Variants in SAMMSON observed in about 807,000 individuals in gnomAD.
SAMMSON encodes long intergenic non-protein coding RNA 1212.
chr3:70,103,138 T>C (rs776050070), intron 4 of SAMMSON, among the ~76,000 whole-genome samples: 1 of 152,160 alleles, frequency 6.6e-6, no homozygotes, highest in Non-Finnish European at 1.5e-5. Flanking sequence ...TTCAACAAAT[T>C]GGTACCGTGC....
intron 4 of SAMMSON, among the ~76,000 whole-genome samples, chr3:70,124,814 C>CAAAAAAAAAAAAAAAAAA (rs1208323683): frequency 1.0e-3 from 56 of 53,674 alleles, no homozygotes; most frequent in Non-Finnish European, 1.4e-3. Context: ...GACTCCATCT[C>CAAAAAAAAAAAAAAAAAA]AAAAAAAAAA....
At chr3:70,126,725 G>GTT in intron 4 of SAMMSON, 1 of 251,228 alleles carries the variant, frequency 4.0e-6, no homozygotes, top group South Asian at 4.9e-5. Context: ...TTTGTTTTTT[G>GTT]TTTTTTTTGA....
Position 70,211,703 on chromosome 3 carries a change from GCCCTT to G in SAMMSON, n.508-37391_508-37387del, listed in dbSNP as rs529662488. The stretch of plus-strand genomic sequence containing the variant: ...CCTTCCTTTCCCTTCCCTTCCCTTT[GCCCTT>G]CCCTTCCCTTCCTTTCCTTTCTCTT... On this transcript the variant is annotated intron_variant and non_coding_transcript_variant, in intron 4 of 9. Transcript: ENST00000642114. Among the ~76,000 whole-genome samples, 703 of 105,154 alleles carry G rather than the reference GCCCTT, an allele frequency of 6.7e-3. 6 individuals are homozygous for G. Among genetic ancestry groups the G allele is most frequent in the African/African-American group, 0.025 (669 of 26,794 alleles). 69.0% of individuals were successfully genotyped at this position (105,154 alleles called of 152,430 possible).
chr3:70,363,934 A>C (rs1031901347), intron 9 of SAMMSON, among the ~76,000 whole-genome samples: 1 of 151,674 alleles, frequency 6.6e-6, no homozygotes, highest in Non-Finnish European at 1.5e-5. Flanking sequence ...TGAGCTGCAG[A>C]TATATTTCTA....
At chr3:70,273,068 G>A (rs573324903) in intron 6 of SAMMSON, among the ~76,000 whole-genome samples, 1 of 152,320 alleles carries the variant, frequency 6.6e-6, no homozygotes, top group African/African-American at 2.4e-5. Context: ...GTCAAGGGAA[G>A]TTCAGCCAGT....
chr3:70,166,870 A>C (rs2067639444), intron 4 of SAMMSON, among the ~76,000 whole-genome samples: 1 of 152,096 alleles, frequency 6.6e-6, no homozygotes, highest in South Asian at 2.1e-4. Flanking sequence ...AGGAAAGAGA[A>C]TATTGGAGAT....
chr3:70,418,595 A>G (rs1701283743), intron 2 of SAMMSON, among the ~76,000 whole-genome samples: 1 of 152,130 alleles, frequency 6.6e-6, no homozygotes, highest in Non-Finnish European at 1.5e-5. Context: ...AGACACTACA[A>G]TTCCAACAGT....
chr3:70,101,448 A>T (rs897413553), intron 4 of SAMMSON, among the ~76,000 whole-genome samples: 1 of 152,146 alleles, frequency 6.6e-6, no homozygotes, highest in Admixed American at 6.6e-5. Flanking sequence ...TTATTATTTG[A>T]TAATTTACCT....
chr3:70,408,007 C>T (rs1701189671), intron 2 of SAMMSON, among the ~76,000 whole-genome samples: 1 of 152,254 alleles, frequency 6.6e-6, no homozygotes, highest in South Asian at 2.1e-4. Flanking sequence ...CTCGCAGGCT[C>T]ACCACCACAT....
chr3:70,018,485 G>C (rs2066996909), intron 3 of SAMMSON, among the ~76,000 whole-genome samples: 2 of 151,934 alleles, frequency 1.3e-5, no homozygotes, highest in Non-Finnish European at 2.9e-5. Context: ...TTCTTTATTA[G>C]TCTTGCTAGC....
chr3:70,001,677 G>T (rs544131706), intron 1 of SAMMSON, among the ~76,000 whole-genome samples: 2 of 152,106 alleles, frequency 1.3e-5, no homozygotes, highest in South Asian at 2.1e-4. Flanking sequence ...TTCTAATTTT[G>T]CATACTCCTT....
chr3:70,285,101 C>T (rs1469809827), intron 6 of SAMMSON, among the ~76,000 whole-genome samples: 1 of 150,302 alleles, frequency 6.7e-6, no homozygotes, highest in African/African-American at 2.5e-5. Context: ...TACATGTGCA[C>T]ATTGTGCAGG....
At chr3:70,220,571 T>C (rs1290078460) in intron 4 of SAMMSON, among the ~76,000 whole-genome samples, 1 of 152,176 alleles carries the variant, frequency 6.6e-6, no homozygotes, top group East Asian at 1.9e-4. Context: ...CATACAAAAC[T>C]AACCCTGGTT....
intron 4 of SAMMSON, among the ~76,000 whole-genome samples, chr3:70,083,697 T>C (rs1159039833): frequency 2.6e-5 from 4 of 152,178 alleles, no homozygotes; most frequent in Admixed American, 6.5e-5. Flanking sequence ...CTCCTGCAGA[T>C]CCTCTGGTCT....
At chr3:70,144,170 C>A (rs2067539003) in intron 4 of SAMMSON, among the ~76,000 whole-genome samples, 1 of 151,946 alleles carries the variant, frequency 6.6e-6, no homozygotes, top group Non-Finnish European at 1.5e-5. Context: ...ATATTTTTAC[C>A]TTGACTTTTT....
At chr3:70,284,271 C>G (rs987226913) in intron 6 of SAMMSON, among the ~76,000 whole-genome samples, 4 of 152,088 alleles carry the variant, frequency 2.6e-5, no homozygotes, top group Admixed American at 2.6e-4. Flanking sequence ...CTTGCTAATC[C>G]CTACGATTTA....
At chr3:70,142,813 G>C (rs1415522514) in intron 4 of SAMMSON, among the ~76,000 whole-genome samples, 1 of 152,176 alleles carries the variant, frequency 6.6e-6, no homozygotes, top group African/African-American at 2.4e-5. Context: ...GATAAGACCA[G>C]TGAGCTCCTG....
intron 7 of SAMMSON, among the ~76,000 whole-genome samples, chr3:70,337,091 A>AT (rs1702669349): frequency 2.5e-5 from 1 of 40,024 alleles, no homozygotes; most frequent in African/African-American, 8.6e-5. Context: ...ATTCTTATTA[A>AT]TAATAATATC....
At chr3:70,229,114 T>C (rs886683918) in intron 4 of SAMMSON, among the ~76,000 whole-genome samples, 2 of 152,212 alleles carry the variant, frequency 1.3e-5, no homozygotes, top group Non-Finnish European at 2.9e-5. Context: ...AGAAAGGATG[T>C]ACCCTCTCTT....
Sources: gnomAD v4.1 joint callset for allele counts (sites outside exome capture counted in the v4.1 genomes callset) on GRCh38, gnomAD v4.1.1 for gene constraint, MANE v1.5 for transcripts, NCBI Gene and HGNC (gene_info 2026-07-23, HGNC 2026-07-21) for gene names.